PLCB1: variants seen among roughly 807,000 people sequenced by gnomAD.
PLCB1 encodes phospholipase C beta 1.
A neutral mutation model predicts 161.8 loss-of-function variants in PLCB1; 46 were observed. The observed-to-expected ratio is 0.28, with a 90% CI of 0.22 to 0.36. The LOEUF is 0.36. Ranked by LOEUF, PLCB1 falls within the 10% of genes least tolerant of loss-of-function variation. The pLI is 1.00. For synonymous variants in PLCB1, 517 were observed against 503.7 expected (o/e 1.03, Z -0.35); for missense variants, 1,016 against 1,472.5 (o/e 0.69, Z 5.07).
intron 2 of PLCB1, among the ~76,000 whole-genome samples, chr20:8,308,970 A>G (rs768987239): frequency 6.6e-6 from 1 of 152,172 alleles, no homozygotes; most frequent in East Asian, 1.9e-4. Context: ...TAAAATCCAT[A>G]TAGTTTTTTT....
In PLCB1 at chr20:8,560,636, G is replaced by A. The variant is rs1238724240; in HGVS notation, c.247-67658G>A. ...GGTAACATACAATGAGTGAAGGAGA[G>A]AGGTAATTTTAAATGTCATCTTTTT... On this transcript the variant is annotated intron_variant, in intron 3 of 31. Coordinates refer to ENST00000338037, the MANE Select transcript of PLCB1 (RefSeq NM_015192.4). 2.0e-5 allele frequency among the ~76,000 whole-genome samples: 3 copies of A among 151,952 alleles called. No homozygotes were observed. In the East Asian group the frequency reaches 5.8e-4, roughly 29 times the overall value.
At chr20:8,447,815 T>TG (rs1193280531) in intron 3 of PLCB1, among the ~76,000 whole-genome samples, 2 of 152,076 alleles carry the variant, frequency 1.3e-5, no homozygotes, top group Admixed American at 1.3e-4. Flanking sequence ...AGGGCTGAAG[T>TG]GGGGGAGGGC....
intron 3 of PLCB1, among the ~76,000 whole-genome samples, chr20:8,541,045 A>T (rs1446012679): frequency 2.0e-5 from 3 of 152,156 alleles, no homozygotes; most frequent in Non-Finnish European, 4.4e-5. Context: ...TAACGTTGAG[A>T]AGGGACAGAC....
intron 31 of PLCB1, among the ~76,000 whole-genome samples, chr20:8,828,217 A>G (rs1198986582): frequency 6.6e-6 from 1 of 152,174 alleles, no homozygotes; most frequent in Non-Finnish European, 1.5e-5. Flanking sequence ...ATGTATCCAA[A>G]GGCTCCATCA....
At chr20:8,446,595 A>G (rs1487475890) in intron 3 of PLCB1, among the ~76,000 whole-genome samples, 2 of 152,210 alleles carry the variant, frequency 1.3e-5, no homozygotes, top group African/African-American at 4.8e-5. Flanking sequence ...AGGGTATTCA[A>G]TTAGGAAAAG....
chr20:8,663,845 C>T (rs1255268014), intron 9 of PLCB1, among the ~76,000 whole-genome samples: 1 of 152,218 alleles, frequency 6.6e-6, no homozygotes, highest in East Asian at 1.9e-4. Flanking sequence ...TGACCCCTGC[C>T]TCTTCCAAAC....
chr20:8,351,868 G>A (rs1484219621), intron 2 of PLCB1, among the ~76,000 whole-genome samples: 1 of 152,086 alleles, frequency 6.6e-6, no homozygotes, highest in East Asian at 1.9e-4. Flanking sequence ...CACAGCAACA[G>A]TATCTCTTAT....
intron 3 of PLCB1, among the ~76,000 whole-genome samples, chr20:8,472,439 C>T (rs549266634): frequency 2.6e-5 from 4 of 152,162 alleles, no homozygotes; most frequent in African/African-American, 9.6e-5. Context: ...AAGTCAAGCC[C>T]CAATATAATA....
intron 16 of PLCB1, among the ~76,000 whole-genome samples, chr20:8,725,445 CAG>C (rs1195577637): frequency 6.6e-6 from 1 of 152,074 alleles, no homozygotes; most frequent in Non-Finnish European, 1.5e-5. Context: ...CCCTTAAAAA[CAG>C]AAATTTGCCT....
chr20:8,358,270 A>G (rs1441400578), intron 2 of PLCB1, among the ~76,000 whole-genome samples: 2 of 151,968 alleles, frequency 1.3e-5, no homozygotes, highest in East Asian at 3.9e-4. Context: ...TGTTTTTGAG[A>G]CAGAGTCTCA....
intron 3 of PLCB1, among the ~76,000 whole-genome samples, chr20:8,387,977 T>TTAAAAAA (rs1555802978): frequency 2.4e-5 from 3 of 126,802 alleles, no homozygotes; most frequent in Non-Finnish European, 3.3e-5. Flanking sequence ...CCACTTTTTT[T>TTAAAAAA]AAAAAAAAAA....
chr20:8,410,840 G>A (rs1400922622), intron 3 of PLCB1, among the ~76,000 whole-genome samples: 2 of 152,144 alleles, frequency 1.3e-5, no homozygotes, highest in Non-Finnish European at 2.9e-5. Flanking sequence ...GTCCTTGTAA[G>A]AGACATACTA....
chr20:8,326,079 A>C lies in PLCB1; in HGVS notation c.178-45303A>C, dbSNP rs78830385. ...TCTTTTAAAAGAGATTTACCCTTCGAGGTTGTTTAAGTAAATATTTTGCTC... is the reference window on the plus strand; with the variant it reads ...TCTTTTAAAAGAGATTTACCCTTCGCGGTTGTTTAAGTAAATATTTTGCTC... On this transcript the variant is annotated intron_variant, in intron 2 of 31. Coordinates refer to ENST00000338037, the MANE Select transcript of PLCB1 (RefSeq NM_015192.4). Among the ~76,000 whole-genome samples the C allele has an allele frequency of 8.5e-3, 1,301 of 152,234 alleles. 19 individuals carry two copies. Among genetic ancestry groups the C allele is most frequent in the African/African-American group, 0.03 (1,239 of 41,536 alleles).
chr20:8,522,779 G>A (rs1984403411), intron 3 of PLCB1, among the ~76,000 whole-genome samples: 1 of 152,112 alleles, frequency 6.6e-6, no homozygotes, highest in African/African-American at 2.4e-5. Context: ...AGTAAAATAT[G>A]TCCTTGTTTG....
chr20:8,605,183 C>T (rs1307405605), intron 3 of PLCB1, among the ~76,000 whole-genome samples: 1 of 151,894 alleles, frequency 6.6e-6, no homozygotes, highest in Admixed American at 6.6e-5. Context: ...TCTGTTGTAT[C>T]TTGTGAGAGT....
intron 3 of PLCB1, among the ~76,000 whole-genome samples, chr20:8,466,384 T>G (rs948364776): frequency 6.7e-6 from 1 of 149,564 alleles, no homozygotes; most frequent in Non-Finnish European, 1.5e-5. Context: ...GATGACGAGT[T>G]AGTGGGTGCA....
intron 3 of PLCB1, 53 bp from the exon 4 acceptor site, chr20:8,628,241 T>G: frequency 7.5e-7 from 1 of 1,337,710 alleles, no homozygotes; most frequent in Non-Finnish European, 1.1e-6. Context: ...AGTTATGCTA[T>G]CACGTTGGAA....
chr20:8,404,403 C>T (rs1287618092), intron 3 of PLCB1, among the ~76,000 whole-genome samples: 1 of 152,138 alleles, frequency 6.6e-6, no homozygotes, highest in Admixed American at 6.5e-5. Context: ...TAATGATTTG[C>T]ATTTCTCTAT....
chr20:8,454,320 G>A (rs1981202513), intron 3 of PLCB1, among the ~76,000 whole-genome samples: 1 of 152,126 alleles, frequency 6.6e-6, no homozygotes, highest in South Asian at 2.1e-4. Context: ...GCCATGATGA[G>A]GAGTCAGGAC....
Sources: allele counts gnomAD v4.1 joint callset (sites outside exome capture counted in the v4.1 genomes callset), GRCh38; gene constraint gnomAD v4.1.1; transcripts MANE v1.5; gene names NCBI Gene and HGNC (gene_info 2026-07-23, HGNC 2026-07-21).